Variants in CDH12 observed in about 807,000 individuals in gnomAD.
The protein encoded by CDH12 is cadherin 12.
A neutral mutation model predicts 74.1 loss-of-function variants in CDH12; 41 were observed. The ratio of observed to expected loss-of-function variants is 0.55; its 90% CI spans 0.43 to 0.72. The LOEUF (loss-of-function observed/expected upper bound fraction) is 0.72, where lower values mean the gene tolerates loss of function less well. CDH12 is among the 30% of genes least tolerant of loss of function. The pLI is 0.00. For missense variants in CDH12, 945 were observed against 977.2 expected, an observed-to-expected ratio of 0.97 and a Z score of 0.44; for synonymous variants, 399 against 355.0, an observed-to-expected ratio of 1.12 and a Z score of -1.39.
Position 22,338,486 on chromosome 5 carries a change from A to G in CDH12, c.-333+66771T>C, listed in dbSNP as rs1739696471. ...GTTAATGGGTACAAAAAAAAAATAG[A>G]AGAATAAATAAGACCTAATATTTGA... On this transcript the variant is annotated intron_variant, in intron 3 of 14. Coordinates refer to ENST00000382254, the MANE Select transcript of CDH12 (RefSeq NM_004061.5). Among the ~76,000 whole-genome samples the G allele has an allele frequency of 6.6e-5, 10 of 152,252 alleles. 1 individual carries two copies. In the South Asian group the frequency reaches 2.1e-3, roughly 32 times the overall value.
At chr5:21,772,884 T>C (rs1252494630) in intron 11 of CDH12, among the ~76,000 whole-genome samples, 1 of 152,140 alleles carries the variant, frequency 6.6e-6, no homozygotes, top group Non-Finnish European at 1.5e-5. Context: ...AAGAAAAATA[T>C]AAGCCTGGCA....
rs35438426 is a variant in CDH12, at chr5:22,235,477, A to T, written c.-332-22834T>A. 8.7e-3 allele frequency among the ~76,000 whole-genome samples: 1,324 copies of T among 152,082 alleles called. 12 individuals are homozygous for T. Among genetic ancestry groups the T allele is most frequent in the South Asian group, 0.033 (158 of 4,812 alleles). On this transcript the variant is annotated intron_variant, in intron 3 of 14. Transcript: ENST00000382254. ...GCACCTGTAGTCCCAGATATTCGGGAGGCTGAGCAGGAAGAATCGCTTGAA... is the reference window on the plus strand; with the variant it reads ...GCACCTGTAGTCCCAGATATTCGGGTGGCTGAGCAGGAAGAATCGCTTGAA...
chr5:22,148,420 T>C (rs1747350085), intron 4 of CDH12, among the ~76,000 whole-genome samples: 2 of 151,664 alleles, frequency 1.3e-5, no homozygotes, highest in South Asian at 4.2e-4. Context: ...AAATGGCCAA[T>C]GAAGATTTTG....
intron 10 of CDH12, among the ~76,000 whole-genome samples, chr5:21,788,046 G>T (rs527861618): frequency 1.9e-4 from 29 of 152,256 alleles, no homozygotes; most frequent in African/African-American, 6.5e-4. Context: ...AGTATTTGCT[G>T]AGTGTCCACT....
chr5:22,693,018 CT>C (rs199949437), intron 1 of CDH12, among the ~76,000 whole-genome samples: 14,232 of 143,990 alleles, frequency 0.099, 799 homozygotes, highest in East Asian at 0.22. Flanking sequence ...TTTTTAATTT[CT>C]TTTTTTTTTT....
chr5:21,854,998 T>C (rs187556579), intron 6 of CDH12, among the ~76,000 whole-genome samples: 212 of 151,870 alleles, frequency 1.4e-3, no homozygotes, highest in Admixed American at 3.7e-3. Flanking sequence ...TAAATACGCA[T>C]TTTAAAAGTT....
intron 3 of CDH12, among the ~76,000 whole-genome samples, chr5:22,265,191 G>A (rs559522763): frequency 6.6e-6 from 1 of 152,248 alleles, no homozygotes; most frequent in South Asian, 2.1e-4. Context: ...TACCCATTAT[G>A]TATAACATCA....
intron 3 of CDH12, among the ~76,000 whole-genome samples, chr5:22,261,932 C>T (rs1561264186): frequency 1.3e-5 from 2 of 151,952 alleles, no homozygotes; most frequent in African/African-American, 4.8e-5. Context: ...ACTATGTAAA[C>T]TATGTCAAGG....
intron 13 of CDH12, among the ~76,000 whole-genome samples, chr5:21,756,062 TC>T (rs1337120826): frequency 6.6e-6 from 1 of 152,208 alleles, no homozygotes; most frequent in Non-Finnish European, 1.5e-5. Flanking sequence ...AATTAAATTT[TC>T]TATTCAGAAA....
At chr5:22,571,171 T>C (rs1372634007) in intron 1 of CDH12, among the ~76,000 whole-genome samples, 1 of 152,168 alleles carries the variant, frequency 6.6e-6, no homozygotes, top group Non-Finnish European at 1.5e-5. Flanking sequence ...AATAAGGCTT[T>C]ATTAACCTCT....
intron 6 of CDH12, among the ~76,000 whole-genome samples, chr5:21,896,891 G>C (rs911781244): frequency 3.9e-5 from 6 of 152,106 alleles, no homozygotes; most frequent in Admixed American, 6.5e-5. Context: ...CATGTAAAAA[G>C]TCTCAATTTA....
chr5:22,417,005 C>T (rs996610980), intron 2 of CDH12, among the ~76,000 whole-genome samples: 2 of 152,138 alleles, frequency 1.3e-5, no homozygotes, highest in African/African-American at 2.4e-5. Flanking sequence ...ATATTAGTCT[C>T]AAGACTTCTT....
At chr5:22,590,414 G>A (rs979889536) in intron 1 of CDH12, among the ~76,000 whole-genome samples, 2 of 152,140 alleles carry the variant, frequency 1.3e-5, no homozygotes, top group African/African-American at 2.4e-5. Context: ...AAAAAAACAT[G>A]TAAAGTCTGG....
chr5:22,100,435 G>A (rs1744070700), intron 4 of CDH12, among the ~76,000 whole-genome samples: 1 of 152,116 alleles, frequency 6.6e-6, no homozygotes, highest in African/African-American at 2.4e-5. Context: ...CAGCAAATAT[G>A]CTCTAATTCC....
At chr5:21,792,980 C>T (rs958649970) in intron 10 of CDH12, among the ~76,000 whole-genome samples, 6 of 151,698 alleles carry the variant, frequency 4.0e-5, no homozygotes, top group African/African-American at 7.3e-5. Flanking sequence ...GTGCAGTAAA[C>T]GTTGATATCT....
intron 2 of CDH12, among the ~76,000 whole-genome samples, chr5:22,457,134 T>A (rs2126575652): frequency 6.6e-6 from 1 of 152,314 alleles, no homozygotes; most frequent in African/African-American, 2.4e-5. Flanking sequence ...GAGCCATTTT[T>A]ATTTGCCAAA....
intron 3 of CDH12, among the ~76,000 whole-genome samples, chr5:22,281,030 C>G (rs1409879344): frequency 1.3e-5 from 2 of 152,166 alleles, no homozygotes; most frequent in African/African-American, 4.8e-5. Flanking sequence ...CCACTATGAT[C>G]AAGTGGGCTT....
chr5:22,453,446 A>C (rs1462305376), intron 2 of CDH12, among the ~76,000 whole-genome samples: 2 of 152,168 alleles, frequency 1.3e-5, no homozygotes, highest in African/African-American at 4.8e-5. Flanking sequence ...AACATAGATG[A>C]ATGTAGAGGA....
chr5:22,139,819 T>G (rs1746685562), intron 4 of CDH12, among the ~76,000 whole-genome samples: 1 of 152,120 alleles, frequency 6.6e-6, no homozygotes, highest in Non-Finnish European at 1.5e-5. Context: ...TTAATCACGT[T>G]CGAGCTGGAG....
Sources: allele counts gnomAD v4.1 joint callset (sites outside exome capture counted in the v4.1 genomes callset), GRCh38; gene constraint gnomAD v4.1.1; transcripts MANE v1.5; gene names NCBI Gene and HGNC (gene_info 2026-07-23, HGNC 2026-07-21).